AFG2A: variants seen among roughly 807,000 people sequenced by gnomAD.
The protein encoded by AFG2A is ATPase family gene 2 protein homolog A.
the AFG2A span, among the ~76,000 whole-genome samples, chr4:123,010,685 G>A: frequency 3.3e-4 from 51 of 152,276 alleles, no homozygotes; most frequent in East Asian, 6.8e-3. Flanking sequence ...GGTACAATTA[G>A]GTAATTTCTA....
chr4:123,009,224 G>A, the AFG2A span, among the ~76,000 whole-genome samples: 2 of 152,214 alleles, frequency 1.3e-5, no homozygotes, highest in African/African-American at 4.8e-5. Context: ...GACAACAGGT[G>A]TGAAGTCACT....
chr4:123,099,670 A>C, the AFG2A span, among the ~76,000 whole-genome samples: 1 of 151,820 alleles, frequency 6.6e-6, no homozygotes, highest in African/African-American at 2.4e-5. Flanking sequence ...TCAAGCATAC[A>C]CCATCCCCTC....
the AFG2A span, among the ~76,000 whole-genome samples, chr4:123,043,888 G>C: frequency 6.6e-6 from 1 of 152,184 alleles, no homozygotes; most frequent in Non-Finnish European, 1.5e-5. Flanking sequence ...AACACTTGCA[G>C]TCAGCAGATA....
the AFG2A span, chr4:122,947,125 C>G: frequency 9.0e-7 from 1 of 1,112,222 alleles, no homozygotes; most frequent in Non-Finnish European, 1.2e-6. Flanking sequence ...GACTTAGTAG[C>G]CTGGACAGTT....
At chr4:122,994,624 A>G in the AFG2A span, among the ~76,000 whole-genome samples, 1 of 151,974 alleles carries the variant, frequency 6.6e-6, no homozygotes, top group South Asian at 2.1e-4. Context: ...TTTGGATTCT[A>G]GTTTTCAGAA....
chr4:122,991,756 A>G, the AFG2A span, among the ~76,000 whole-genome samples: 1 of 152,196 alleles, frequency 6.6e-6, no homozygotes, highest in South Asian at 2.1e-4. Context: ...TTACTATTGA[A>G]TTTTAACTTA....
the AFG2A span, among the ~76,000 whole-genome samples, chr4:123,055,710 G>A: frequency 2.6e-5 from 4 of 152,096 alleles, no homozygotes; most frequent in Admixed American, 2.0e-4. Flanking sequence ...ATGCTCGTGC[G>A]CACACACAGA....
chr4:123,287,850 G>T, the AFG2A span, among the ~76,000 whole-genome samples: 1 of 152,164 alleles, frequency 6.6e-6, no homozygotes, highest in Non-Finnish European at 1.5e-5. Flanking sequence ...GGAAAACCTT[G>T]CCGAGAAGGT....
chr4:123,290,968 G>A, the AFG2A span, among the ~76,000 whole-genome samples: 3 of 152,086 alleles, frequency 2.0e-5, no homozygotes, highest in Admixed American at 6.6e-5. Context: ...TATGAATCTG[G>A]GAGCCCTGGA....
the AFG2A span, among the ~76,000 whole-genome samples, chr4:123,196,394 T>C: frequency 1.3e-5 from 2 of 152,226 alleles, no homozygotes; most frequent in South Asian, 4.1e-4. Flanking sequence ...GACATATTTC[T>C]CTTATCACTA....
chr4:123,143,991 T>C, the AFG2A span, among the ~76,000 whole-genome samples: 6 of 152,200 alleles, frequency 3.9e-5, no homozygotes, highest in East Asian at 1.2e-3. Flanking sequence ...AATGTTTTCA[T>C]CTTTGTATTC....
chr4:123,228,219 A>G, the AFG2A span, among the ~76,000 whole-genome samples: 1 of 152,084 alleles, frequency 6.6e-6, no homozygotes, highest in Non-Finnish European at 1.5e-5. Flanking sequence ...GCCCATTTAC[A>G]TTTAAGGTTA....
the AFG2A span, among the ~76,000 whole-genome samples, chr4:123,022,488 C>T: frequency 2.7e-5 from 4 of 150,306 alleles, no homozygotes; most frequent in Non-Finnish European, 5.9e-5. Flanking sequence ...CAATGAGATA[C>T]CATCTCACAC....
the AFG2A span, among the ~76,000 whole-genome samples, chr4:123,084,604 G>GTA: frequency 3.4e-5 from 5 of 147,818 alleles, no homozygotes; most frequent in Admixed American, 6.7e-5. Flanking sequence ...GTGTGTGTGT[G>GTA]TGTGTGTGTG....
the AFG2A span, among the ~76,000 whole-genome samples, chr4:123,038,797 G>A: frequency 0.044 from 6,769 of 152,130 alleles, 295 homozygotes; most frequent in South Asian, 0.15. Flanking sequence ...AGTTTCAAAT[G>A]TCTTAATTTT....
At chr4:123,163,362 G>A in the AFG2A span, among the ~76,000 whole-genome samples, 16 of 152,086 alleles carry the variant, frequency 1.1e-4, no homozygotes, top group East Asian at 3.1e-3. Flanking sequence ...CTTGAACCGG[G>A]ACCCAGGAGG....
At chr4:122,981,773 G>T in the AFG2A span, among the ~76,000 whole-genome samples, 1 of 151,830 alleles carries the variant, frequency 6.6e-6, no homozygotes, top group African/African-American at 2.4e-5. Context: ...AAATACTATT[G>T]TAAATGGGAT....
chr4:123,029,070 A>G, the AFG2A span, among the ~76,000 whole-genome samples: 1 of 152,226 alleles, frequency 6.6e-6, no homozygotes, highest in Non-Finnish European at 1.5e-5. Flanking sequence ...AAATAGATTA[A>G]CTATCAATTC....
At chr4:123,258,065 C>A in the AFG2A span, among the ~76,000 whole-genome samples, 1 of 152,188 alleles carries the variant, frequency 6.6e-6, no homozygotes, top group Non-Finnish European at 1.5e-5. Context: ...GCAGAAAATT[C>A]TATCTTTCCT....
Sources: gnomAD v4.1 joint callset for allele counts (sites outside exome capture counted in the v4.1 genomes callset) on GRCh38, gnomAD v4.1.1 for gene constraint, MANE v1.5 for transcripts, NCBI Gene and HGNC (gene_info 2026-07-23, HGNC 2026-07-21) for gene names.